SPIC: variants seen among roughly 807,000 people sequenced by gnomAD.
SPIC encodes transcription factor Spi-C.
SPIC carries 9 observed loss-of-function variants against 16.7 expected under a neutral mutation model. The ratio of observed to expected loss-of-function variants is 0.54; its 90% CI spans 0.33 to 0.94. SPIC has a LOEUF of 0.94. Among genes scored for constraint, SPIC ranks in the 40% least tolerant of loss-of-function variants. SPIC has a pLI of 0.03. For synonymous variants in SPIC, 97 were observed against 102.9 expected, an observed-to-expected ratio of 0.94 and a Z score of 0.35; for missense variants, 241 against 285.8, an observed-to-expected ratio of 0.84 and a Z score of 1.13.
chr12:101,476,991 C>A (rs61945605), intron 2 of SPIC, 84 bp downstream of exon 2: 16,154 of 717,548 alleles, frequency 0.023, 301 homozygotes, highest in African/African-American at 0.068. Context: ...TTTCTTTACT[C>A]TCCCTCCATT....
At chr12:101,476,008 A>C (rs538517604) in intron 1 of SPIC, among the ~76,000 whole-genome samples, 1 of 152,184 alleles carries the variant, frequency 6.6e-6, no homozygotes, top group Non-Finnish European at 1.5e-5. Flanking sequence ...ATCTCATTTT[A>C]TTATTCAAAG....
Position 101,477,551 on chromosome 12 carries a change from C to G in SPIC, c.4-7C>G. 2.5e-6 allele frequency: 4 copies of G among 1,612,714 alleles called. No homozygotes were observed. Among genetic ancestry groups the G allele is most frequent in the Non-Finnish European group, 2.5e-6 (3 of 1,178,918 alleles). On this transcript the variant is annotated splice_region_variant and splice_polypyrimidine_tract_variant and intron_variant, in intron 2 of 5. Transcript: ENST00000551346. ...AAAACTCCAGAATTCTATCATTGTT[C>G]CAACAGACGTGTGTTGAACAAGACA...
At chr12:101,479,132 G>A (rs1478539624) in intron 3 of SPIC, among the ~76,000 whole-genome samples, 1 of 118,326 alleles carries the variant, frequency 8.5e-6, no homozygotes, top group East Asian at 2.7e-4. Context: ...GCAAGACCCT[G>A]TCTTAAAAAA....
intron 4 of SPIC, among the ~76,000 whole-genome samples, chr12:101,481,985 G>A (rs1466232764): frequency 2.3e-5 from 3 of 130,000 alleles, no homozygotes; most frequent in Admixed American, 7.5e-5. Context: ...TCTCATGCCT[G>A]TAATCCCAGC....
Position 101,479,172 on chromosome 12 carries a change from A to AAAG in SPIC, c.98-408_98-407insGAA, listed in dbSNP as rs1555208932. Among the ~76,000 whole-genome samples, 8 of 82,934 alleles carry AAAG rather than the reference A, an allele frequency of 9.6e-5. No homozygotes were observed. The East Asian group carries it at 1.7e-3, about 17-fold the overall frequency. The allele number at this position is 82,934 out of a possible 152,430, so 54.4% of individuals were successfully genotyped here. On this transcript the variant is annotated intron_variant, in intron 3 of 5. Coordinates refer to ENST00000551346, the MANE Select transcript of SPIC (RefSeq NM_152323.3). ...AAGAAAGAAAAGAAAGAAAGAAAGA[A>AAAG]AAAGAAAGAAAGAAAGAAAGAAAGA...
chr12:101,486,833 T>C lies in SPIC; in HGVS notation c.*62T>C. 5 of 1,340,226 alleles carry C rather than the reference T, an allele frequency of 3.7e-6. No homozygotes were observed. The highest frequency in any genetic ancestry group is 5.0e-6 in the Non-Finnish European group (5 of 1,001,630). The allele number at this position is 1,340,226 out of a possible 1,614,324, so 83.0% of individuals were successfully genotyped here. ...AATCTCTACAAGTTTTAATGATTTC[T>C]CCCTCCCTCTCTTTTTTTCCTCCTC... On this transcript the variant is annotated 3_prime_UTR_variant, in exon 6 of 6. Transcript: ENST00000551346.
At chr12:101,479,242 A>AAAG (rs1873084925) in intron 3 of SPIC, among the ~76,000 whole-genome samples, 7 of 44,982 alleles carry the variant, frequency 1.6e-4, no homozygotes, top group Non-Finnish European at 2.7e-4. Flanking sequence ...GAAAGAAAGA[A>AAAG]AAAGAAAGAA....
At chr12:101,479,211 A>AGAAG (rs1565831083) in intron 3 of SPIC, among the ~76,000 whole-genome samples, 13 of 127,144 alleles carry the variant, frequency 1.0e-4, no homozygotes, top group South Asian at 2.7e-4. Context: ...AAAGAAAGAA[A>AGAAG]GAAAGAAAGA....
intron 1 of SPIC, among the ~76,000 whole-genome samples, chr12:101,476,027 TA>T: frequency 6.6e-6 from 1 of 152,128 alleles, no homozygotes; most frequent in Non-Finnish European, 1.5e-5. Flanking sequence ...AGTTAAACAC[TA>T]AAGAGTAAAC....
intron 3 of SPIC, among the ~76,000 whole-genome samples, chr12:101,479,355 G>GAAAT (rs1555209069): frequency 4.6e-5 from 7 of 151,090 alleles, no homozygotes; most frequent in African/African-American, 9.7e-5. Context: ...AAGAAAGAAA[G>GAAAT]AAATCATGCG....
chr12:101,477,841 A>G (rs941257499), intron 3 of SPIC, among the ~76,000 whole-genome samples, 190 bp downstream of exon 3: 5 of 152,082 alleles, frequency 3.3e-5, no homozygotes, highest in Non-Finnish European at 5.9e-5. Context: ...ATATGGCGAA[A>G]CCCTGTCTCT....
chr12:101,480,209 A>G (rs1194053519), intron 4 of SPIC, among the ~76,000 whole-genome samples: 5 of 152,202 alleles, frequency 3.3e-5, no homozygotes, highest in Non-Finnish European at 2.9e-5. Flanking sequence ...ACCCTTCATC[A>G]TTGCTCTCTA....
chr12:101,478,456 C>A (rs1873033361), intron 3 of SPIC, among the ~76,000 whole-genome samples: 1 of 151,992 alleles, frequency 6.6e-6, no homozygotes, highest in Non-Finnish European at 1.5e-5. Context: ...CCTGAAGCAT[C>A]CAGGATTAAT....
chr12:101,479,816 T>TTA, intron 4 of SPIC, 122 bp downstream of exon 4: 20 of 578,756 alleles, frequency 3.5e-5, no homozygotes, highest in East Asian at 6.5e-5. Flanking sequence ...GGTTTTTTCT[T>TTA]TCTTTTTTTT....
chr12:101,484,825 G>A (rs751776796), intron 5 of SPIC, among the ~76,000 whole-genome samples: 108 of 151,432 alleles, frequency 7.1e-4, no homozygotes, highest in Non-Finnish European at 1.1e-3. Context: ...CCAAGATTGC[G>A]CCACTACACT....
At position 101,482,917 on chromosome 12, in the gene SPIC, T is replaced by C; in HGVS notation, c.319+17T>C. The stretch of plus-strand genomic sequence containing the variant: ...GGGGAAAAGGTACGTTGATCCATCA[T>C]TCGTTATACAGGTAAAAGAACCAGA... On this transcript the variant is annotated intron_variant, in intron 5 of 5. Coordinates refer to ENST00000551346, the MANE Select transcript of SPIC (RefSeq NM_152323.3). 7 of 1,601,754 alleles carry C rather than the reference T, an allele frequency of 4.4e-6. No homozygotes were observed. Among genetic ancestry groups the C allele is most frequent in the Non-Finnish European group, 6.0e-6 (7 of 1,169,686 alleles).
intron 1 of SPIC, among the ~76,000 whole-genome samples, chr12:101,475,759 G>T (rs931556354): frequency 1.4e-4 from 22 of 152,262 alleles, no homozygotes; most frequent in African/African-American, 4.8e-4. Flanking sequence ...AACATTCAGT[G>T]CTTCTGCACT....
At chr12:101,475,901 T>G (rs966996986) in intron 1 of SPIC, among the ~76,000 whole-genome samples, 2 of 151,996 alleles carry the variant, frequency 1.3e-5, no homozygotes, top group African/African-American at 4.8e-5. Context: ...TTAACTGACA[T>G]GATGTAATGA....
intron 3 of SPIC, among the ~76,000 whole-genome samples, chr12:101,478,188 T>C (rs184939419): frequency 4.6e-5 from 7 of 151,580 alleles, no homozygotes; most frequent in South Asian, 2.1e-4. Context: ...CCCGCCACCA[T>C]GCCCATCTAA....
Sources: gnomAD v4.1 joint callset for allele counts (sites outside exome capture counted in the v4.1 genomes callset) on GRCh38, gnomAD v4.1.1 for gene constraint, MANE v1.5 for transcripts, NCBI Gene and HGNC (gene_info 2026-07-23, HGNC 2026-07-21) for gene names.